RFC3: variants seen among roughly 807,000 people sequenced by gnomAD.
The protein encoded by RFC3 is A1 38 kDa subunit.
In RFC3, 41 loss-of-function variants were observed where a neutral mutation model predicts 45.1. The observed-to-expected ratio is 0.91, with a 90% confidence interval of 0.71 to 1.18. RFC3 has a LOEUF of 1.18. RFC3 is among the 50% of genes most tolerant of loss of function. The pLI is 0.00. For synonymous variants in RFC3, 149 were observed against 144.0 expected, an observed-to-expected ratio of 1.03 and a Z score of -0.25; for missense variants, 423 against 428.1, an observed-to-expected ratio of 0.99 and a Z score of 0.10.
In RFC3 at chr13:33,913,342, G is replaced by A. The variant is rs529146356; in HGVS notation, c.880-52745G>A. ...GAGGAGCAGAGAAAAATCTAGATGG[G>A]GCTGCTTATGTAAGGCCAGAATTCA... On this transcript the variant is annotated intron_variant, in intron 8 of 8. Transcript: ENST00000434425. Among the ~76,000 whole-genome samples the A allele has an allele frequency of 4.6e-5, 7 of 152,128 alleles. 1 individual carries two copies. The East Asian group carries it at 1.4e-3, about 30-fold the overall frequency.
intron 8 of RFC3, among the ~76,000 whole-genome samples, chr13:33,922,869 G>A (rs2082778372): frequency 6.6e-6 from 1 of 152,058 alleles, no homozygotes; most frequent in African/African-American, 2.4e-5. Flanking sequence ...GTAAAATAGA[G>A]GTAATAGTAG....
downstream of RFC3, among the ~76,000 whole-genome samples, chr13:33,968,478 T>G (rs1418087396): frequency 6.6e-6 from 1 of 152,186 alleles, no homozygotes; most frequent in Non-Finnish European, 1.5e-5. Flanking sequence ...AGATGGTAAT[T>G]TAACTAAATG....
intron 8 of RFC3, chr13:33,849,951 GT>G (rs2082265997): frequency 6.6e-6 from 1 of 152,050 alleles, no homozygotes; most frequent in Non-Finnish European, 1.5e-5. Context: ...ACAATCAACT[GT>G]CTCCTGGGTT....
chr13:33,951,474 G>T (rs975926638), intron 8 of RFC3, among the ~76,000 whole-genome samples: 1 of 151,930 alleles, frequency 6.6e-6, no homozygotes, highest in African/African-American at 2.4e-5. Context: ...CTCATGATCC[G>T]CTGGCCTTGG....
chr13:33,872,767 C>T (rs531840175), intron 8 of RFC3, among the ~76,000 whole-genome samples: 2 of 137,040 alleles, frequency 1.5e-5, no homozygotes, highest in African/African-American at 5.5e-5. Flanking sequence ...AAAAACAAAA[C>T]AGAACAAAAA....
At chr13:33,856,624 G>A (rs116669087) in intron 8 of RFC3, among the ~76,000 whole-genome samples, 29 of 152,298 alleles carry the variant, frequency 1.9e-4, no homozygotes, top group African/African-American at 6.7e-4. Flanking sequence ...AATGAGAGAC[G>A]TCTGTTGAGA....
At chr13:33,966,110 C>T in exon 9 of RFC3, 1 of 1,610,832 alleles carries the variant, frequency 6.2e-7, no homozygotes, top group Non-Finnish European at 8.5e-7. Context: ...AATCAAGAAG[C>T]TGTGACATAT....
downstream of RFC3, among the ~76,000 whole-genome samples, chr13:33,969,758 C>T (rs533626725): frequency 7.6e-4 from 115 of 152,180 alleles, 1 homozygote; most frequent in Middle Eastern, 6.8e-3. Flanking sequence ...CCCCCAGTTT[C>T]CTCTCCTGTA....
chr13:33,940,589 T>C (rs1017160222), intron 8 of RFC3, among the ~76,000 whole-genome samples: 2 of 152,230 alleles, frequency 1.3e-5, no homozygotes, highest in Non-Finnish European at 2.9e-5. Flanking sequence ...CTTACTATAA[T>C]GTTTCTGTTG....
At chr13:33,842,094 A>T (rs1566390134), downstream of RFC3, among the ~76,000 whole-genome samples, 1 of 152,132 alleles carries the variant, frequency 6.6e-6, no homozygotes, top group South Asian at 2.1e-4. Flanking sequence ...GATCTGGGCA[A>T]CATATTGAGA....
intron 7 of RFC3, among the ~76,000 whole-genome samples, chr13:33,831,727 C>CT (rs2082106641): frequency 6.6e-6 from 1 of 152,154 alleles, no homozygotes; most frequent in Non-Finnish European, 1.5e-5. Context: ...AATGATGCAT[C>CT]ATGTGCTAGA....
At chr13:33,868,210 A>G (rs897709927) in intron 8 of RFC3, among the ~76,000 whole-genome samples, 5 of 152,202 alleles carry the variant, frequency 3.3e-5, no homozygotes, top group Non-Finnish European at 7.3e-5. Context: ...TTGTTCGGAA[A>G]GTCAAGCTCC....
rs1047039155 is a variant in RFC3, at chr13:33,871,501, A to T, written c.879+36284A>T. Among the ~76,000 whole-genome samples, 3 of 152,216 alleles carry T rather than the reference A, an allele frequency of 2.0e-5. No homozygotes were observed. The East Asian group carries it at 5.8e-4, about 29-fold the overall frequency. On this transcript the variant is annotated intron_variant, in intron 8 of 8. Coordinates refer to the RFC3 transcript ENST00000434425. ...CTGCCCTCTTCCAACTACCCTTGTG[A>T]TGACATTGGCCACAGCCAGCTAATC...
chr13:33,946,170 T>G (rs1012062528), intron 8 of RFC3, among the ~76,000 whole-genome samples: 6 of 152,210 alleles, frequency 3.9e-5, no homozygotes, highest in Non-Finnish European at 8.8e-5. Context: ...AGTAGCACTT[T>G]CCCATTATTC....
At chr13:33,889,792 A>G (rs1382429959) in intron 8 of RFC3, among the ~76,000 whole-genome samples, 1 of 152,214 alleles carries the variant, frequency 6.6e-6, no homozygotes, top group Non-Finnish European at 1.5e-5. Flanking sequence ...GATGCCACAT[A>G]TGAATGAAAC....
intron 8 of RFC3, among the ~76,000 whole-genome samples, chr13:33,936,260 C>T (rs2082885658): frequency 6.6e-6 from 1 of 152,024 alleles, no homozygotes; most frequent in African/African-American, 2.4e-5. Flanking sequence ...ATCAGGTGGG[C>T]ACAGTGGCTT....
chr13:33,848,101 C>T (rs1464824935), intron 8 of RFC3: 1 of 152,198 alleles, frequency 6.6e-6, no homozygotes, highest in Non-Finnish European at 1.5e-5. Context: ...GAATTTCACA[C>T]TTATGCATCT....
intron 8 of RFC3, among the ~76,000 whole-genome samples, chr13:33,909,768 G>T (rs955203842): frequency 6.6e-6 from 1 of 152,028 alleles, no homozygotes; most frequent in Non-Finnish European, 1.5e-5. Context: ...CTGAGGACTT[G>T]GTAACTGCAT....
At chr13:33,855,478 C>T (rs2082303210) in intron 8 of RFC3, among the ~76,000 whole-genome samples, 1 of 152,012 alleles carries the variant, frequency 6.6e-6, no homozygotes, top group Admixed American at 6.6e-5. Context: ...ATTTATAATC[C>T]TTTGGTATAT....
Sources: allele counts gnomAD v4.1 joint callset (sites outside exome capture counted in the v4.1 genomes callset), GRCh38; gene constraint gnomAD v4.1.1; transcripts MANE v1.5; gene names NCBI Gene and HGNC (gene_info 2026-07-23, HGNC 2026-07-21).